Variants in THSD4 observed in about 807,000 individuals in gnomAD.
The protein encoded by THSD4 is thrombospondin type-1 domain-containing protein 4.
In THSD4, 69 loss-of-function variants were observed where a neutral mutation model predicts 119.0. The ratio of observed to expected loss-of-function variants is 0.58; its 90% CI spans 0.48 to 0.71. THSD4 has a LOEUF of 0.71. Ranked by LOEUF, THSD4 falls within the 30% of genes least tolerant of loss-of-function variation. The probability of loss-of-function intolerance (pLI) is 0.00; values close to 1 mark genes in which losing one functional copy is unlikely to be tolerated. For missense variants in THSD4, 1,393 were observed against 1,391.1 expected, an observed-to-expected ratio of 1.00 and a Z score of -0.02; for synonymous variants, 524 against 540.4, an observed-to-expected ratio of 0.97 and a Z score of 0.42.
chr15:71,188,913 G>A (rs749207440), intron 3 of THSD4: 1 of 152,644 alleles, frequency 6.6e-6, no homozygotes, highest in Non-Finnish European at 1.5e-5. Flanking sequence ...TCCATATGGG[G>A]AATCATCTTC....
chr15:71,440,082 AT>A (rs35110592), intron 7 of THSD4, among the ~76,000 whole-genome samples: 10 of 150,928 alleles, frequency 6.6e-5, no homozygotes, highest in African/African-American at 1.9e-4. Flanking sequence ...AGCCAAAAAG[AT>A]TTTTTTTTTC....
At chr15:71,460,648 C>T (rs377647520) in intron 7 of THSD4, among the ~76,000 whole-genome samples, 13 of 152,164 alleles carry the variant, frequency 8.5e-5, no homozygotes, top group African/African-American at 2.4e-4. Context: ...TTTCTCTCGA[C>T]GGGCTGGTAG....
chr15:71,475,554 A>G (rs1365147836), intron 7 of THSD4, among the ~76,000 whole-genome samples: 1 of 152,162 alleles, frequency 6.6e-6, no homozygotes, highest in Non-Finnish European at 1.5e-5. Flanking sequence ...CTGCATTTTT[A>G]ACAGGTTCTC....
chr15:71,177,875 C>T (rs1267071210), intron 3 of THSD4, among the ~76,000 whole-genome samples: 2 of 149,874 alleles, frequency 1.3e-5, no homozygotes, highest in African/African-American at 4.9e-5. Context: ...ATAAACAGAA[C>T]CAAAGACAAA....
intron 7 of THSD4, among the ~76,000 whole-genome samples, chr15:71,483,361 G>T (rs1490082340): frequency 1.3e-5 from 2 of 152,068 alleles, no homozygotes; most frequent in East Asian, 3.9e-4. Context: ...ATCTATGTTG[G>T]TTTCATAATA....
chr15:71,484,448 T>C (rs1322496841), intron 7 of THSD4, among the ~76,000 whole-genome samples: 1 of 152,200 alleles, frequency 6.6e-6, no homozygotes, highest in East Asian at 1.9e-4. Flanking sequence ...TTCAGAAAGA[T>C]TTTGTGTTTT....
chr15:71,263,128 C>T (rs1173125652), intron 6 of THSD4, among the ~76,000 whole-genome samples: 1 of 151,858 alleles, frequency 6.6e-6, no homozygotes, highest in Non-Finnish European at 1.5e-5. Context: ...CAGTCTCTGC[C>T]CTCTGATAGG....
intron 8 of THSD4, among the ~76,000 whole-genome samples, chr15:71,705,073 A>G (rs1407004146): frequency 6.6e-6 from 1 of 152,176 alleles, no homozygotes; most frequent in Non-Finnish European, 1.5e-5. Context: ...TTTGGAAGGG[A>G]AAATGCAGAA....
At chr15:71,233,386 A>C (rs564337776) in intron 4 of THSD4, among the ~76,000 whole-genome samples, 1 of 152,238 alleles carries the variant, frequency 6.6e-6, no homozygotes, top group Admixed American at 6.5e-5. Context: ...CCCAGGGGAA[A>C]TCATTGCCCA....
intron 8 of THSD4, among the ~76,000 whole-genome samples, chr15:71,684,774 T>C (rs928785549): frequency 6.6e-6 from 1 of 152,152 alleles, no homozygotes; most frequent in African/African-American, 2.4e-5. Context: ...GTTAGGTTAG[T>C]GTTCCAATTT....
intron 3 of THSD4, among the ~76,000 whole-genome samples, chr15:71,207,644 A>T (rs1270934534): frequency 6.6e-6 from 1 of 152,226 alleles, no homozygotes; most frequent in African/African-American, 2.4e-5. Flanking sequence ...GGGCATTACC[A>T]TCTGAGCTCC....
intron 7 of THSD4, among the ~76,000 whole-genome samples, chr15:71,570,273 T>G (rs1219896721): frequency 6.6e-6 from 1 of 152,238 alleles, no homozygotes; most frequent in Non-Finnish European, 1.5e-5. Context: ...CTCGTTTGTG[T>G]TGTTACTTAA....
chr15:71,488,581 C>T, intron 7 of THSD4, among the ~76,000 whole-genome samples: 1 of 151,840 alleles, frequency 6.6e-6, no homozygotes, highest in Middle Eastern at 3.2e-3. Context: ...TTTTTCCTTC[C>T]ATGGAGATTA....
chr15:71,296,118 A>G (rs1300346856), intron 6 of THSD4, among the ~76,000 whole-genome samples: 1 of 152,338 alleles, frequency 6.6e-6, no homozygotes, highest in Admixed American at 6.5e-5. Flanking sequence ...TAGAACATTC[A>G]TGGACACATT....
intron 6 of THSD4, among the ~76,000 whole-genome samples, chr15:71,296,499 A>G (rs2044865201): frequency 6.6e-6 from 1 of 152,096 alleles, no homozygotes; most frequent in Admixed American, 6.6e-5. Flanking sequence ...CTCGGGCAAG[A>G]CGCACCTTCC....
intron 6 of THSD4, among the ~76,000 whole-genome samples, chr15:71,309,300 C>T (rs2045078801): frequency 6.6e-6 from 1 of 152,110 alleles, no homozygotes; most frequent in Admixed American, 6.5e-5. Context: ...CATTGTATGT[C>T]TTCTTTGGAA....
intron 7 of THSD4, among the ~76,000 whole-genome samples, chr15:71,438,652 C>T (rs1360261632): frequency 6.6e-6 from 1 of 151,978 alleles, no homozygotes; most frequent in African/African-American, 2.4e-5. Context: ...TATTTTGAGG[C>T]TCCCTCTTTA....
At chr15:71,115,107 C>T (rs559985716), upstream of THSD4, 7 of 152,636 alleles carry the variant, frequency 4.6e-5, no homozygotes, top group East Asian at 1.4e-3. The surrounding 1 kb of genome is among the most constrained non-coding windows in gnomAD (Gnocchi z 4.4). Flanking sequence ...CTGCCCCAGT[C>T]CTTCAACAGG....
At chr15:71,325,214 G>A (rs2045323424) in intron 6 of THSD4, among the ~76,000 whole-genome samples, 1 of 152,186 alleles carries the variant, frequency 6.6e-6, no homozygotes, top group African/African-American at 2.4e-5. Context: ...CATGCCCAAT[G>A]TTGCAAGAAA....
Sources: gnomAD v4.1 joint callset for allele counts (sites outside exome capture counted in the v4.1 genomes callset) on GRCh38, gnomAD v4.1.1 for gene constraint, Gnocchi (gnomAD v3.1) non-coding constraint, MANE v1.5 for transcripts, NCBI Gene and HGNC (gene_info 2026-07-23, HGNC 2026-07-21) for gene names.